PRMT3: variants seen among roughly 807,000 people sequenced by gnomAD.
PRMT3 encodes the protein protein arginine N-methyltransferase 3.
Under a neutral mutation model 71.9 loss-of-function variants are expected in PRMT3, and 62 were observed. The observed-to-expected ratio is 0.86, with a 90% confidence interval of 0.70 to 1.07. PRMT3 has a LOEUF of 1.07. Ranked by LOEUF, PRMT3 falls within the 50% of genes least tolerant of loss-of-function variation. PRMT3 has a pLI of 0.00. For synonymous variants in PRMT3, 213 were observed against 220.4 expected (o/e 0.97, Z 0.30); for missense variants, 663 against 643.0 (o/e 1.03, Z -0.34).
At chr11:20,427,017 A>T (rs535721149) in intron 10 of PRMT3, 152 bp downstream of exon 10, 40 of 1,177,266 alleles carry the variant, frequency 3.4e-5, no homozygotes, top group South Asian at 2.6e-4. Flanking sequence ...TGTGTAATTT[A>T]AAAAAATAGC....
intron 10 of PRMT3, among the ~76,000 whole-genome samples, chr11:20,432,522 GGAGTACAGACATTTCTTT>G (rs1391557689): frequency 1.3e-5 from 2 of 151,998 alleles, no homozygotes; most frequent in African/African-American, 4.8e-5. Flanking sequence ...TATAAATGTG[GGAGTACAGACATTTCTTT>G]GACATTCTGT....
intron 9 of PRMT3, among the ~76,000 whole-genome samples, chr11:20,408,774 C>T (rs1239891950): frequency 6.6e-6 from 1 of 152,158 alleles, no homozygotes; most frequent in African/African-American, 2.4e-5. Context: ...GATTCTTCAA[C>T]TTACATTGCT....
chr11:20,493,610 A>C (rs1031798663), intron 13 of PRMT3, among the ~76,000 whole-genome samples: 49 of 151,826 alleles, frequency 3.2e-4, no homozygotes, highest in African/African-American at 1.1e-3. Flanking sequence ...AGGATCAGTG[A>C]GGGGCCAGCT....
intron 12 of PRMT3, 125 bp from the exon 13 acceptor site, chr11:20,464,335 G>C: frequency 2.2e-6 from 3 of 1,344,670 alleles, no homozygotes; most frequent in Non-Finnish European, 2.9e-6. Context: ...CAAAACTTTG[G>C]TTTCCAATAA....
At chr11:20,429,964 G>A (rs1275629478) in intron 10 of PRMT3, among the ~76,000 whole-genome samples, 1 of 152,146 alleles carries the variant, frequency 6.6e-6, no homozygotes, top group African/African-American at 2.4e-5. Context: ...TTTGATTTGA[G>A]AAGCTGGAAA....
At chr11:20,394,199 A>G (rs961035261) in intron 5 of PRMT3, among the ~76,000 whole-genome samples, 7 of 152,226 alleles carry the variant, frequency 4.6e-5, no homozygotes, top group African/African-American at 1.7e-4. Flanking sequence ...TAATATTTGC[A>G]CTGCTCACTG....
At chr11:20,467,265 T>C (rs1310178183) in intron 13 of PRMT3, among the ~76,000 whole-genome samples, 1 of 152,232 alleles carries the variant, frequency 6.6e-6, no homozygotes, top group African/African-American at 2.4e-5. Context: ...TCAACAGTCG[T>C]TGAACACTTG....
intron 10 of PRMT3, among the ~76,000 whole-genome samples, chr11:20,435,563 A>T (rs113074600): frequency 6.6e-6 from 1 of 151,210 alleles, no homozygotes; most frequent in Non-Finnish European, 1.5e-5. Context: ...TTGTTTGCAT[A>T]TGGATATCCA....
In PRMT3 at chr11:20,430,623, G is replaced by A. The variant is rs189126448; in HGVS notation, c.993+3758G>A. Among the ~76,000 whole-genome samples, 149 of 151,648 alleles carry A rather than the reference G, an allele frequency of 9.8e-4. 1 individual carries two copies. Among genetic ancestry groups the A allele is most frequent in the Non-Finnish European group, 1.7e-3 (113 of 67,834 alleles). On this transcript the variant is annotated intron_variant, in intron 10 of 15. Coordinates refer to ENST00000331079, the MANE Select transcript of PRMT3 (RefSeq NM_005788.4). ...TTTCTTTTTATTTTATATATTTAAG[G>A]TGTACAACATGATGTTTTGATTTAC...
intron 10 of PRMT3, among the ~76,000 whole-genome samples, chr11:20,439,707 A>T (rs531315431): frequency 5.9e-5 from 9 of 152,230 alleles, no homozygotes; most frequent in Admixed American, 2.0e-4. Flanking sequence ...AAAGATGTCA[A>T]TTCTCTTCAT....
At chr11:20,397,551 A>G in intron 6 of PRMT3, 26 bp from the exon 7 acceptor site, 1 of 1,612,742 alleles carries the variant, frequency 6.2e-7, no homozygotes, top group Non-Finnish European at 8.5e-7. Context: ...AACCTGTCTC[A>G]AGGGTGTATT....
intron 15 of PRMT3, among the ~76,000 whole-genome samples, chr11:20,495,531 T>C (rs1851312258): frequency 6.6e-6 from 1 of 152,068 alleles, no homozygotes; most frequent in Non-Finnish European, 1.5e-5. Context: ...GAAAAAGTTA[T>C]TGCATTCAAA....
intron 2 of PRMT3, among the ~76,000 whole-genome samples, chr11:20,388,471 A>G (rs1848645208): frequency 6.6e-6 from 1 of 152,210 alleles, no homozygotes; most frequent in South Asian, 2.1e-4. Context: ...CAAGTCAGGG[A>G]TGGGGTCTAA....
chr11:20,467,249 C>T (rs901070308), intron 13 of PRMT3, among the ~76,000 whole-genome samples: 5 of 152,140 alleles, frequency 3.3e-5, no homozygotes, highest in Non-Finnish European at 1.5e-5. Context: ...AGGAAGGTAA[C>T]GTACATCAAC....
intron 15 of PRMT3, among the ~76,000 whole-genome samples, chr11:20,505,002 G>A (rs1851557058): frequency 6.6e-6 from 1 of 152,154 alleles, no homozygotes. Context: ...CAAGGTGCTG[G>A]TATTACAGGC....
At chr11:20,455,013 G>T (rs1271989031) in intron 11 of PRMT3, among the ~76,000 whole-genome samples, 1 of 151,984 alleles carries the variant, frequency 6.6e-6, no homozygotes, top group Non-Finnish European at 1.5e-5. Flanking sequence ...ATGAAAGCAG[G>T]TTTACTAGCA....
chr11:20,491,406 G>T (rs1379988607), intron 13 of PRMT3, among the ~76,000 whole-genome samples: 31 of 152,268 alleles, frequency 2.0e-4, no homozygotes, highest in Non-Finnish European at 5.9e-5. Flanking sequence ...CACCTTAGAT[G>T]TTGTGCATGC....
At chr11:20,438,696 C>G (rs539565077) in intron 10 of PRMT3, among the ~76,000 whole-genome samples, 1 of 152,262 alleles carries the variant, frequency 6.6e-6, no homozygotes, top group African/African-American at 2.4e-5. Flanking sequence ...TGGGGCATTA[C>G]TGTTCTGGGC....
chr11:20,479,402 G>A (rs1343950870), intron 13 of PRMT3, among the ~76,000 whole-genome samples: 1 of 152,070 alleles, frequency 6.6e-6, no homozygotes, highest in Non-Finnish European at 1.5e-5. Context: ...CACCCTATTT[G>A]CATCACTACC....
Sources: allele counts gnomAD v4.1 joint callset (sites outside exome capture counted in the v4.1 genomes callset), GRCh38; gene constraint gnomAD v4.1.1; transcripts MANE v1.5; gene names NCBI Gene and HGNC (gene_info 2026-07-23, HGNC 2026-07-21).